Variants in GALNTL6 observed in about 807,000 individuals in gnomAD.
The protein encoded by GALNTL6 is polypeptide N-acetylgalactosaminyltransferase like 6, also known as polypeptide N-acetylgalactosaminyltransferase-like 6.
In GALNTL6, 46 loss-of-function variants were observed where a neutral mutation model predicts 73.7. The observed-to-expected ratio is 0.62, with a 90% CI of 0.49 to 0.80. GALNTL6 has a LOEUF of 0.80. Ranked by LOEUF, GALNTL6 falls within the 30% of genes least tolerant of loss-of-function variation. The pLI, the probability that GALNTL6 is intolerant of heterozygous loss-of-function variation, is 0.00. For missense variants in GALNTL6, 604 were observed against 755.0 expected, an observed-to-expected ratio of 0.80 and a Z score of 2.34; for synonymous variants, 259 against 263.7, an observed-to-expected ratio of 0.98 and a Z score of 0.17.
chr4:173,040,265 T>G lies in GALNTL6; in HGVS notation c.*165T>G, dbSNP rs932999543. On this transcript the variant is annotated 3_prime_UTR_variant, in exon 13 of 13. Transcript: ENST00000506823. ...AGGTTGTTTTGAAGAACTTCCTGCA[T>G]CTGAAGAACTTGGCTGAGAATCTCA... 2 of 538,200 alleles carry G rather than the reference T, an allele frequency of 3.7e-6. No individual in the cohort carries two copies. The highest frequency in any genetic ancestry group is 7.3e-5 in the Admixed American group (2 of 27,340). 33.3% of individuals were successfully genotyped at this position (538,200 alleles called of 1,614,324 possible). A position where few individuals can be genotyped will look rare whatever the true frequency, so the allele number is the denominator to read the frequency against.
intron 2 of GALNTL6, among the ~76,000 whole-genome samples, chr4:172,156,544 T>TATATATATATATATATAATATATATA (rs1560945570): frequency 1.9e-4 from 13 of 67,948 alleles, no homozygotes; most frequent in Non-Finnish European, 3.6e-4. Flanking sequence ...ATATATAATA[T>TATATATATATATATATAATATATATA]ATATATATAT....
chr4:172,324,483 A>C (rs1455257677), intron 4 of GALNTL6, among the ~76,000 whole-genome samples: 2 of 151,574 alleles, frequency 1.3e-5, no homozygotes, highest in African/African-American at 2.4e-5. Flanking sequence ...CATATTTTGG[A>C]AAATTTAATA....
At chr4:172,310,907 A>G (rs1248049468) in intron 3 of GALNTL6, among the ~76,000 whole-genome samples, 1 of 152,076 alleles carries the variant, frequency 6.6e-6, no homozygotes, top group African/African-American at 2.4e-5. Flanking sequence ...TATAGTATGT[A>G]AAAAACAAAA....
chr4:171,944,675 T>C (rs1738648648), intron 2 of GALNTL6, among the ~76,000 whole-genome samples: 1 of 151,990 alleles, frequency 6.6e-6, no homozygotes, highest in Admixed American at 6.6e-5. Flanking sequence ...TATATTTAAG[T>C]TTCCTCTGGG....
chr4:172,016,504 T>G (rs1741196046), intron 2 of GALNTL6, among the ~76,000 whole-genome samples: 1 of 152,026 alleles, frequency 6.6e-6, no homozygotes, highest in African/African-American at 2.4e-5. Context: ...TAAGTTGGTT[T>G]TCACCTTTCT....
chr4:172,801,735 A>G (rs1271071902), intron 5 of GALNTL6, among the ~76,000 whole-genome samples: 1 of 152,164 alleles, frequency 6.6e-6, no homozygotes, highest in African/African-American at 2.4e-5. Flanking sequence ...CTCCAGAACT[A>G]TTATACATTC....
chr4:172,964,830 T>G lies in GALNTL6; in HGVS notation c.1371+12572T>G, dbSNP rs530331020. Reference sequence around the variant, plus strand: ...CTGTGTGAGTGCTGCTGATGTGTGATGCAGGAGTAAAAAGCAGGTGCTTTC... The same window carrying G: ...CTGTGTGAGTGCTGCTGATGTGTGAGGCAGGAGTAAAAAGCAGGTGCTTTC... On this transcript the variant is annotated intron_variant, in intron 10 of 12. Coordinates refer to ENST00000506823, the MANE Select transcript of GALNTL6 (RefSeq NM_001034845.3). 9.8e-5 allele frequency among the ~76,000 whole-genome samples: 15 copies of G among 152,348 alleles called. No individual in the cohort carries two copies. In the South Asian group the frequency reaches 2.1e-3, roughly 21 times the overall value.
At chr4:172,473,235 C>G (rs971974257) in intron 5 of GALNTL6, among the ~76,000 whole-genome samples, 1 of 152,174 alleles carries the variant, frequency 6.6e-6, no homozygotes, top group Non-Finnish European at 1.5e-5. Context: ...CCTTCTCCTT[C>G]TACATCATTT....
chr4:172,254,764 C>T (rs1738014666), intron 3 of GALNTL6, among the ~76,000 whole-genome samples: 1 of 151,674 alleles, frequency 6.6e-6, no homozygotes, highest in Non-Finnish European at 1.5e-5. Context: ...ATTATCAACT[C>T]CATGTAAGTC....
At chr4:172,482,282 G>T (rs1433880576) in intron 5 of GALNTL6, among the ~76,000 whole-genome samples, 1 of 152,242 alleles carries the variant, frequency 6.6e-6, no homozygotes, top group Non-Finnish European at 1.5e-5. Context: ...AGCAGAGGGA[G>T]CTGGCTCCAG....
chr4:172,690,736 A>G (rs368523220), intron 5 of GALNTL6, among the ~76,000 whole-genome samples: 1 of 152,246 alleles, frequency 6.6e-6, no homozygotes, highest in Non-Finnish European at 1.5e-5. Flanking sequence ...TATTATTTGC[A>G]TATCTCTCAA....
At chr4:171,926,727 T>C (rs984552459) in intron 2 of GALNTL6, among the ~76,000 whole-genome samples, 5 of 152,182 alleles carry the variant, frequency 3.3e-5, no homozygotes, top group African/African-American at 9.6e-5. Context: ...CATTATTTAA[T>C]GCACTTCTTG....
chr4:172,083,332 T>C (rs1731936295), intron 2 of GALNTL6, among the ~76,000 whole-genome samples: 1 of 152,168 alleles, frequency 6.6e-6, no homozygotes, highest in South Asian at 2.1e-4. Flanking sequence ...GTCATTTCCA[T>C]GCACAAAACA....
At chr4:172,514,983 T>G (rs183184935) in intron 5 of GALNTL6, among the ~76,000 whole-genome samples, 1 of 152,332 alleles carries the variant, frequency 6.6e-6, no homozygotes, top group Non-Finnish European at 1.5e-5. Context: ...GGCAAACCAC[T>G]TCTTTCAAAG....
intron 5 of GALNTL6, among the ~76,000 whole-genome samples, chr4:172,369,987 G>A (rs981673827): frequency 7.9e-5 from 12 of 152,202 alleles, no homozygotes; most frequent in East Asian, 5.8e-4. Context: ...AGGAGGCGCC[G>A]AGAGCGAGCA....
Position 172,070,061 on chromosome 4 carries a change from G to T in GALNTL6, c.139-159595G>T, listed in dbSNP as rs1461722950. ...AAAATGTGAGCTATGGAGTCATCTT[G>T]TGGAGAACATTCCCAGCAGGAGAAA... On this transcript the variant is annotated intron_variant, in intron 2 of 12. Coordinates refer to ENST00000506823, the MANE Select transcript of GALNTL6 (RefSeq NM_001034845.3). Among the ~76,000 whole-genome samples, 4 of 108,728 alleles carry T rather than the reference G, an allele frequency of 3.7e-5. 2 individuals carry two copies. Among genetic ancestry groups the T allele is most frequent in the Non-Finnish European group, 8.2e-5 (4 of 49,018 alleles). 71.3% of individuals were successfully genotyped at this position (108,728 alleles called of 152,430 possible). A position where few individuals can be genotyped will look rare whatever the true frequency, so the allele number is the denominator to read the frequency against.
At chr4:171,814,945 C>T (rs1472115878) in intron 2 of GALNTL6, 1 of 565,746 alleles carries the variant, frequency 1.8e-6, no homozygotes, top group Non-Finnish European at 3.1e-6. Context: ...TAAGACAGGT[C>T]AAGAAGAAGA....
chr4:172,382,677 G>T, intron 5 of GALNTL6, among the ~76,000 whole-genome samples: 1 of 151,978 alleles, frequency 6.6e-6, no homozygotes. Context: ...TTAACAAAAC[G>T]TCATGCAAAG....
At chr4:172,090,221 T>C (rs1421151608) in intron 2 of GALNTL6, among the ~76,000 whole-genome samples, 1 of 152,208 alleles carries the variant, frequency 6.6e-6, no homozygotes, top group Admixed American at 6.5e-5. Flanking sequence ...TACCCAGTAA[T>C]AAAATTGCTG....
Sources: gnomAD v4.1 joint callset for allele counts (sites outside exome capture counted in the v4.1 genomes callset) on GRCh38, gnomAD v4.1.1 for gene constraint, MANE v1.5 for transcripts, NCBI Gene and HGNC (gene_info 2026-07-23, HGNC 2026-07-21) for gene names.